WWOX: variants seen among roughly 807,000 people sequenced by gnomAD.
The protein encoded by WWOX is WW domain-containing oxidoreductase.
WWOX carries 69 observed loss-of-function variants against 46.2 expected under a neutral mutation model. The observed-to-expected ratio is 1.49, with a 90% CI of 1.23 to 1.82. The LOEUF is 1.82. Ranked by LOEUF, WWOX falls within the 40% of genes most tolerant of loss-of-function variation. The pLI is 0.00. For synonymous variants in WWOX, 359 were observed against 202.6 expected (o/e 1.77, Z -6.56); for missense variants, 919 against 542.6 (o/e 1.69, Z -6.89).
chr16:78,433,733 A>G (rs889433905), intron 8 of WWOX, among the ~76,000 whole-genome samples: 4 of 142,158 alleles, frequency 2.8e-5, no homozygotes, highest in African/African-American at 7.8e-5. Flanking sequence ...CTTCTCTTAC[A>G]CTCATTCCCA....
At chr16:78,519,079 G>T (rs2043296283) in intron 8 of WWOX, among the ~76,000 whole-genome samples, 2 of 152,202 alleles carry the variant, frequency 1.3e-5, no homozygotes, top group Non-Finnish European at 1.5e-5. Context: ...GCTATAGATG[G>T]ATGTATAGTC....
Position 78,326,958 on chromosome 16 carries a change from C to A in WWOX, c.517-59902C>A, listed in dbSNP as rs189552289. ...TGTTTACTTTGCAAACTGAATTTCT[C>A]TTGCTGCTTTTTCTGAAGTTCCCCA... On this transcript the variant is annotated intron_variant, in intron 5 of 8. Transcript: ENST00000566780. Among the ~76,000 whole-genome samples the A allele has an allele frequency of 2.5e-3, 379 of 152,268 alleles. 2 individuals carry two copies. Among genetic ancestry groups the A allele is most frequent in the African/African-American group, 8.3e-3 (346 of 41,552 alleles).
At chr16:78,957,453 C>G (rs933280695) in intron 8 of WWOX, among the ~76,000 whole-genome samples, 3 of 152,164 alleles carry the variant, frequency 2.0e-5, no homozygotes, top group Non-Finnish European at 4.4e-5. Context: ...GCCAGTGGCT[C>G]ATTGTAGACA....
intron 8 of WWOX, among the ~76,000 whole-genome samples, chr16:78,996,826 C>G (rs528462313): frequency 1.3e-5 from 2 of 152,278 alleles, no homozygotes; most frequent in African/African-American, 2.4e-5. Context: ...ATAGAGCCAT[C>G]GCTTGCAGAA....
intron 5 of WWOX, among the ~76,000 whole-genome samples, chr16:78,323,701 G>C (rs1056113693): frequency 3.9e-5 from 6 of 152,090 alleles, no homozygotes; most frequent in African/African-American, 1.4e-4. Flanking sequence ...CTTCCTCTTT[G>C]GAATCAGGAA....
intron 5 of WWOX, among the ~76,000 whole-genome samples, chr16:78,366,412 G>A (rs2081537655): frequency 6.6e-6 from 1 of 151,988 alleles, no homozygotes; most frequent in African/African-American, 2.4e-5. Context: ...TCAAATAGTG[G>A]GTGATAAAAC....
At chr16:78,360,185 C>T (rs1037329180) in intron 5 of WWOX, among the ~76,000 whole-genome samples, 10 of 152,250 alleles carry the variant, frequency 6.6e-5, no homozygotes, top group South Asian at 2.1e-4. Flanking sequence ...AAAGCAAGGG[C>T]GTTTTGACAC....
At position 78,492,006 on chromosome 16, in the gene WWOX, C is replaced by G. The variant is rs570155843; in HGVS notation, c.1056+59254C>G. ...TGCATTTTAAGCATGGAAGGTGACACTTGCCATTCTCAATGGACAAAGGGA... is the reference window on the plus strand; with the variant it reads ...TGCATTTTAAGCATGGAAGGTGACAGTTGCCATTCTCAATGGACAAAGGGA... On this transcript the variant is annotated intron_variant, in intron 8 of 8. Transcript: ENST00000566780. Among the ~76,000 whole-genome samples, 5 of 145,244 alleles carry G rather than the reference C, an allele frequency of 3.4e-5. No homozygotes were observed. In the South Asian group the frequency reaches 6.8e-4, roughly 20 times the overall value.
At chr16:78,804,285 T>A (rs2050970373) in intron 8 of WWOX, among the ~76,000 whole-genome samples, 1 of 152,196 alleles carries the variant, frequency 6.6e-6, no homozygotes, top group Non-Finnish European at 1.5e-5. Context: ...CGGCTGGTCT[T>A]TGCCCTCAAT....
At chr16:78,256,677 A>G (rs1215088032) in intron 5 of WWOX, among the ~76,000 whole-genome samples, 1 of 152,058 alleles carries the variant, frequency 6.6e-6, no homozygotes, top group African/African-American at 2.4e-5. Context: ...CTGACATTTC[A>G]TTTGCATTTA....
chr16:78,638,455 A>G (rs371084441), intron 8 of WWOX, among the ~76,000 whole-genome samples: 4 of 151,884 alleles, frequency 2.6e-5, no homozygotes, highest in Non-Finnish European at 4.4e-5. Flanking sequence ...TGCAAGCAAC[A>G]TCTGAAAGGC....
chr16:78,557,285 G>C (rs1024677208), intron 8 of WWOX, among the ~76,000 whole-genome samples: 1 of 152,088 alleles, frequency 6.6e-6, no homozygotes, highest in Non-Finnish European at 1.5e-5. Context: ...TAGACATTTG[G>C]AAGCAAAGAG....
intron 6 of WWOX, among the ~76,000 whole-genome samples, chr16:78,409,206 T>A (rs913669475): frequency 1.3e-5 from 2 of 151,980 alleles, no homozygotes; most frequent in Admixed American, 6.6e-5. Context: ...TAAAAAAAAT[T>A]TTTTTTTGTA....
intron 8 of WWOX, among the ~76,000 whole-genome samples, chr16:79,181,282 A>G (rs529097989): frequency 6.6e-6 from 1 of 152,376 alleles, no homozygotes; most frequent in Admixed American, 6.5e-5. Context: ...ATTTTTAAAA[A>G]TGCTTGCATA....
chr16:78,960,019 G>A (rs2046243192), intron 8 of WWOX, among the ~76,000 whole-genome samples: 1 of 152,194 alleles, frequency 6.6e-6, no homozygotes, highest in African/African-American at 2.4e-5. Flanking sequence ...TGACATTTGT[G>A]CTTTAGGTCT....
At chr16:78,340,596 A>T (rs1424175558) in intron 5 of WWOX, among the ~76,000 whole-genome samples, 3 of 121,046 alleles carry the variant, frequency 2.5e-5, no homozygotes, top group African/African-American at 8.4e-5. Context: ...GCCAACTCTT[A>T]GCACATGGCC....
chr16:78,309,738 C>G (rs888697006), intron 5 of WWOX, among the ~76,000 whole-genome samples: 22 of 152,164 alleles, frequency 1.4e-4, no homozygotes, highest in Admixed American at 1.4e-3. Flanking sequence ...CAGAATTAAA[C>G]TGGAATGCTG....
chr16:78,629,228 T>C lies in WWOX; in HGVS notation c.1056+196476T>C, dbSNP rs115337797. On this transcript the variant is annotated intron_variant, in intron 8 of 8. Transcript: ENST00000566780. ...TCTGAAAACAGGAAGACTTTTTCTC[T>C]TGGGTATTTTATTTTTTTTTCCTCT... Among the ~76,000 whole-genome samples the C allele has an allele frequency of 6.5e-3, 834 of 128,326 alleles. 7 individuals carry two copies. Among genetic ancestry groups the C allele is most frequent in the African/African-American group, 0.022 (800 of 36,982 alleles). 84.2% of individuals were successfully genotyped at this position (128,326 alleles called of 152,430 possible).
chr16:78,372,049 C>G (rs1272639961), intron 5 of WWOX, among the ~76,000 whole-genome samples: 1 of 152,142 alleles, frequency 6.6e-6, no homozygotes, highest in Non-Finnish European at 1.5e-5. Context: ...CACTGGCCAA[C>G]TCTAAGTCTC....
Sources: allele counts gnomAD v4.1 joint callset (sites outside exome capture counted in the v4.1 genomes callset), GRCh38; gene constraint gnomAD v4.1.1; transcripts MANE v1.5; gene names NCBI Gene and HGNC (gene_info 2026-07-23, HGNC 2026-07-21).